Variants in PARD3 observed in about 807,000 individuals in gnomAD.
PARD3 encodes the protein partitioning defective 3 homolog.
Under a neutral mutation model 155.4 loss-of-function variants are expected in PARD3, and 75 were observed. The observed-to-expected ratio is 0.48, with a 90% CI of 0.40 to 0.58. PARD3 has a LOEUF of 0.58. Ranked by LOEUF, PARD3 falls within the 20% of genes least tolerant of loss-of-function variation. The probability of loss-of-function intolerance (pLI) is 0.00; values close to 1 mark genes in which losing one functional copy is unlikely to be tolerated. For missense variants in PARD3, 1,642 were observed against 1,721.7 expected, an observed-to-expected ratio of 0.95 and a Z score of 0.82; for synonymous variants, 576 against 610.5, an observed-to-expected ratio of 0.94 and a Z score of 0.83.
intron 1 of PARD3, among the ~76,000 whole-genome samples, chr10:34,702,238 C>T (rs1164420258): frequency 6.6e-6 from 1 of 151,290 alleles, no homozygotes; most frequent in Non-Finnish European, 1.5e-5. Context: ...ACCTGTAGTC[C>T]CAGCCACCTA....
At chr10:34,596,090 T>C (rs1171584477) in intron 2 of PARD3, among the ~76,000 whole-genome samples, 2 of 152,228 alleles carry the variant, frequency 1.3e-5, no homozygotes, top group Non-Finnish European at 2.9e-5. Flanking sequence ...AATCAAACTT[T>C]GTTCAAATTA....
chr10:34,375,189 GA>G (rs1484761991), intron 10 of PARD3, among the ~76,000 whole-genome samples, 187 bp from the exon 11 acceptor site: 1 of 151,762 alleles, frequency 6.6e-6, no homozygotes, highest in Non-Finnish European at 1.5e-5. Context: ...GACTAATAAA[GA>G]AACTAAGACC....
chr10:34,811,363 T>C (rs1044293792), intron 1 of PARD3, among the ~76,000 whole-genome samples: 2 of 152,112 alleles, frequency 1.3e-5, no homozygotes, highest in African/African-American at 2.4e-5. Context: ...CTTTCACTTA[T>C]CAGAATCGTA....
At chr10:34,634,988 C>T (rs117122986) in intron 2 of PARD3, among the ~76,000 whole-genome samples, 3,176 of 152,320 alleles carry the variant, frequency 0.021, 54 homozygotes, top group Non-Finnish European at 0.036. Context: ...TGAAGAATGG[C>T]GGCCTACACT....
chr10:34,642,709 C>T (rs374469383), intron 2 of PARD3, among the ~76,000 whole-genome samples: 9 of 152,204 alleles, frequency 5.9e-5, no homozygotes, highest in South Asian at 2.1e-4. Context: ...ATGACCCCCA[C>T]GAGAGCCCTT....
At chr10:34,350,632 G>A (rs1837957757) in intron 14 of PARD3, among the ~76,000 whole-genome samples, 1 of 145,684 alleles carries the variant, frequency 6.9e-6, no homozygotes. Flanking sequence ...CTCCATCTTG[G>A]CGGGGGGGGA....
chr10:34,277,238 G>A (rs1456704598), intron 21 of PARD3, among the ~76,000 whole-genome samples: 1 of 152,170 alleles, frequency 6.6e-6, no homozygotes, highest in Non-Finnish European at 1.5e-5. Flanking sequence ...AGAACCGTCT[G>A]TTGAGAAAGC....
chr10:34,204,599 A>C (rs1951378674), intron 22 of PARD3, among the ~76,000 whole-genome samples: 2 of 152,162 alleles, frequency 1.3e-5, no homozygotes, highest in African/African-American at 2.4e-5. Context: ...ACAGACAAGG[A>C]ATGAATCTCT....
chr10:34,513,429 T>C (rs1293426595), intron 3 of PARD3, among the ~76,000 whole-genome samples: 2 of 152,106 alleles, frequency 1.3e-5, no homozygotes, highest in South Asian at 2.1e-4. Context: ...TACAGGCGTG[T>C]GCCACCACGC....
In PARD3 at chr10:34,178,407, C is replaced by T. The variant is rs115329074; in HGVS notation, c.3420-46824G>A. Among the ~76,000 whole-genome samples the T allele has an allele frequency of 4.3e-3, 651 of 152,246 alleles. 4 individuals are homozygous for T. Among genetic ancestry groups the T allele is most frequent in the African/African-American group, 0.014 (589 of 41,552 alleles). Reference sequence around the variant, plus strand: ...CCAAGATCACTTTGCACCACAAAGACGGAGGTGCCAACATTTTTTAATCTT... The same window carrying T: ...CCAAGATCACTTTGCACCACAAAGATGGAGGTGCCAACATTTTTTAATCTT... On this transcript the variant is annotated intron_variant, in intron 22 of 24. Coordinates refer to ENST00000374788, the MANE Select transcript of PARD3 (RefSeq NM_001184785.2).
chr10:34,759,998 A>G (rs1837237594), intron 1 of PARD3, among the ~76,000 whole-genome samples: 1 of 152,192 alleles, frequency 6.6e-6, no homozygotes, highest in Non-Finnish European at 1.5e-5. Flanking sequence ...TTACCTGTCA[A>G]AATCTTTCAC....
rs145806212 is a variant in PARD3 at position 34,370,991 on chromosome 10, C to A, written c.1707+1507G>T. On this transcript the variant is annotated intron_variant, in intron 12 of 24. Coordinates refer to ENST00000374788, the MANE Select transcript of PARD3 (RefSeq NM_001184785.2). ...CTTTTAAAGCTACTAATTTGAAGTGCCATCTTTAACACACATGCACATACC... is the reference window on the plus strand; with the variant it reads ...CTTTTAAAGCTACTAATTTGAAGTGACATCTTTAACACACATGCACATACC... 2.2e-4 allele frequency among the ~76,000 whole-genome samples: 33 copies of A among 152,144 alleles called. No individual in the cohort carries two copies. The East Asian group carries it at 6.0e-3, about 28-fold the overall frequency.
chr10:34,352,085 A>G (rs1838148887), intron 14 of PARD3, among the ~76,000 whole-genome samples: 1 of 152,224 alleles, frequency 6.6e-6, no homozygotes, highest in African/African-American at 2.4e-5. Context: ...TACTGGCACT[A>G]AGAAAAAGCT....
At chr10:34,653,102 A>G (rs1252909721) in intron 2 of PARD3, among the ~76,000 whole-genome samples, 1 of 152,218 alleles carries the variant, frequency 6.6e-6, no homozygotes, top group African/African-American at 2.4e-5. Context: ...ACTTTCAAGG[A>G]TGAGAAAGGT....
intron 1 of PARD3, among the ~76,000 whole-genome samples, chr10:34,700,040 C>T (rs2094244906): frequency 6.6e-6 from 1 of 151,902 alleles, no homozygotes; most frequent in South Asian, 2.1e-4. Flanking sequence ...TTTAAAATAA[C>T]AAAAGAGTTA....
At chr10:34,145,204 TATATATATATATA>T (rs1948411747) in intron 22 of PARD3, among the ~76,000 whole-genome samples, 2 of 64,234 alleles carry the variant, frequency 3.1e-5, no homozygotes, top group Admixed American at 1.4e-4. Flanking sequence ...TATATATATA[TATATATATATATA>T]TATATTTTTT....
intron 7 of PARD3, among the ~76,000 whole-genome samples, chr10:34,398,240 C>T (rs975018195): frequency 2.0e-5 from 3 of 152,086 alleles, no homozygotes; most frequent in Non-Finnish European, 4.4e-5. Flanking sequence ...ACCACAGTTA[C>T]TTACAAGTAA....
intron 19 of PARD3, among the ~76,000 whole-genome samples, chr10:34,326,818 A>G (rs989039817): frequency 1.3e-5 from 2 of 152,210 alleles, no homozygotes; most frequent in Non-Finnish European, 2.9e-5. Flanking sequence ...TAAGAGCTCT[A>G]TAGGAAATTA....
intron 2 of PARD3, among the ~76,000 whole-genome samples, chr10:34,656,257 C>G (rs1325985199): frequency 6.6e-6 from 1 of 152,086 alleles, no homozygotes; most frequent in African/African-American, 2.4e-5. Context: ...AAAAAAAAAC[C>G]TATCTGAAAT....
Sources: gnomAD v4.1 joint callset for allele counts (sites outside exome capture counted in the v4.1 genomes callset) on GRCh38, gnomAD v4.1.1 for gene constraint, MANE v1.5 for transcripts, NCBI Gene and HGNC (gene_info 2026-07-23, HGNC 2026-07-21) for gene names.